The following MED13 variants were observed in gnomAD, a reference collection of about 807,000 sequenced individuals.
The protein encoded by MED13 is mediator complex subunit 13, also known as mediator of RNA polymerase II transcription subunit 13.
In MED13, 23 loss-of-function variants were observed where a neutral mutation model predicts 225.2. The observed-to-expected ratio is 0.10, with a 90% CI of 0.07 to 0.14. The LOEUF (loss-of-function observed/expected upper bound fraction) is 0.14. Ranked by LOEUF, MED13 falls within the 10% of genes least tolerant of loss-of-function variation. The probability of loss-of-function intolerance (pLI) is 1.00; values close to 1 mark genes in which losing one functional copy is unlikely to be tolerated. For synonymous variants in MED13, 942 were observed against 889.2 expected (o/e 1.06, Z -1.06); for missense variants, 2,197 against 2,594.5 (o/e 0.85, Z 3.33).
chr17:62,052,420 C>T (rs1568004302), intron 3 of MED13, 117 bp downstream of exon 3: 1 of 678,626 alleles, frequency 1.5e-6, no homozygotes, highest in Middle Eastern at 4.5e-4. Flanking sequence ...AGTACTCTGT[C>T]ACTGACAACC....
rs73334655 is a variant in MED13 at position 61,953,795 on chromosome 17, A to G, written c.5969-682T>C. 6.4e-3 allele frequency among the ~76,000 whole-genome samples: 976 copies of G among 152,366 alleles called. 10 individuals carry two copies. The highest frequency in any genetic ancestry group is 0.022 in the African/African-American group (922 of 41,592). On this transcript the variant is annotated intron_variant, in intron 26 of 29. Coordinates refer to ENST00000397786, the MANE Select transcript of MED13 (RefSeq NM_005121.3). Reference sequence around the variant, plus strand: ...AATACAAAGCAAACATAGTACAAACAAAATGAAAATGTGTTTAAAGTGGGA... The same window carrying G: ...AATACAAAGCAAACATAGTACAAACGAAATGAAAATGTGTTTAAAGTGGGA...
chr17:62,023,649 C>A (rs541340444), intron 8 of MED13, among the ~76,000 whole-genome samples: 16 of 152,192 alleles, frequency 1.1e-4, no homozygotes, highest in Non-Finnish European at 2.4e-4. Flanking sequence ...AAATTTAATT[C>A]CCTGCAATAC....
Position 62,063,227 on chromosome 17 carries a change from C to G in MED13, c.141G>C (p.Val47=). The G allele has an allele frequency of 6.2e-7, 1 of 1,614,166 alleles. No individual in the cohort carries two copies. The highest frequency in any genetic ancestry group is 8.5e-7 in the Non-Finnish European group (1 of 1,180,012). Residue 47 remains valine, a synonymous_variant, in exon 2 of 30, where the codon GTG becomes GTC. Coordinates refer to ENST00000397786, the MANE Select transcript of MED13 (RefSeq NM_005121.3). ...TGCTCAAAATGGGGTCTTCTTCTGT[C>G]ACAGGAAACAGAATAGGGGCAGAAG... ...GPTSAPILFP[V]TEEDPILSSF...
intron 9 of MED13, among the ~76,000 whole-genome samples, chr17:62,009,987 C>T (rs2080490414): frequency 6.6e-6 from 1 of 152,020 alleles, no homozygotes; most frequent in East Asian, 1.9e-4. Flanking sequence ...TTCAGGAGGC[C>T]GAGGTGGGTG....
chr17:61,964,914 C>T (rs1255156155), intron 20 of MED13, 92 bp downstream of exon 20: 3 of 1,254,612 alleles, frequency 2.4e-6, no homozygotes, highest in South Asian at 1.5e-5. Flanking sequence ...ACAGCCTGCG[C>T]AAAAGAGTGA....
intron 3 of MED13, among the ~76,000 whole-genome samples, chr17:62,042,885 C>T (rs1323859112): frequency 6.6e-6 from 1 of 151,790 alleles, no homozygotes; most frequent in Non-Finnish European, 1.5e-5. Flanking sequence ...CATGGTGGCT[C>T]ACACCTGTAA....
chr17:61,981,906 G>T (rs1199174204), intron 16 of MED13, among the ~76,000 whole-genome samples: 1 of 152,202 alleles, frequency 6.6e-6, no homozygotes, highest in Non-Finnish European at 1.5e-5. Context: ...ATGAGTGAAA[G>T]AATGTTGAAT....
At position 61,987,058 on chromosome 17, in the gene MED13, G is replaced by C. The variant is rs371662998; in HGVS notation, c.2334C>G (p.Val778=). ...AGAGATTATCAAGGTCAGTATAAGA[G>C]ACAGCCAGGTCTGAGTCATAAATCA... ...TSLIYDSDLA[V]SYTDLDNLFN... is the part of the protein sequence containing the mutation. Residue 778 remains valine, a synonymous_variant, in exon 12 of 30, where the codon GTC becomes GTG. Coordinates refer to ENST00000397786, the MANE Select transcript of MED13 (RefSeq NM_005121.3). 2 of 1,607,394 alleles carry C rather than the reference G, an allele frequency of 1.2e-6. No homozygotes were observed. Among genetic ancestry groups the C allele is most frequent in the Non-Finnish European group, 1.7e-6 (2 of 1,175,954 alleles).
chr17:61,990,695 A>G (rs1021783445), intron 11 of MED13, among the ~76,000 whole-genome samples: 2 of 151,304 alleles, frequency 1.3e-5, no homozygotes, highest in African/African-American at 4.9e-5. Flanking sequence ...ATAAATATAT[A>G]TAATTTTTAC....
chr17:61,983,951 C>T (rs1389840604), intron 15 of MED13, among the ~76,000 whole-genome samples: 3 of 152,118 alleles, frequency 2.0e-5, no homozygotes, highest in Admixed American at 2.0e-4. Context: ...TGATCTCAAA[C>T]TCCTGACCTC....
chr17:61,966,539 A>T lies in MED13; in HGVS notation c.4304T>A (p.Phe1435Tyr). 1 of 1,613,974 alleles carries T rather than the reference A, an allele frequency of 6.2e-7. No individual in the cohort carries two copies. Among genetic ancestry groups the T allele is most frequent in the Non-Finnish European group, 8.5e-7 (1 of 1,179,904 alleles). The change falls in exon 19 of 30, where the codon TTT becomes TAT. Residue 1435 changes from phenylalanine to tyrosine, a missense_variant. Phe to Tyr is a conservative substitution (Grantham distance 22). Around this residue, in one of 12 missense-constraint regions of MED13, gnomAD observed 457 missense variants for 442.2 expected, o/e 1.03. Transcript: ENST00000397786. ...ATTGTTACCGTCAGCTGCCTGAGAA[A>T]ACCATTCTGCTACCAACTTTTCTGA... ...KLSEKLVAEW[F>Y]SQAADGNNEA...
At chr17:62,031,391 C>T in intron 6 of MED13, 53 bp downstream of exon 6, 1 of 1,368,518 alleles carries the variant, frequency 7.3e-7, no homozygotes, top group Non-Finnish European at 9.9e-7. Context: ...TAAGTACTTA[C>T]TGTACACAAA....
chr17:62,031,124 A>G (rs2143676739), intron 6 of MED13: 1 of 178,784 alleles, frequency 5.6e-6, no homozygotes, highest in East Asian at 1.4e-4. Flanking sequence ...TTTCTGACTA[A>G]GAGGATCGAG....
intron 19 of MED13, among the ~76,000 whole-genome samples, chr17:61,966,207 C>G (rs1191730455): frequency 6.6e-6 from 1 of 152,162 alleles, no homozygotes; most frequent in East Asian, 1.9e-4. Flanking sequence ...TAATTTCTTC[C>G]TACCTGATGG....
chr17:61,987,991 C>A (rs894203505), intron 11 of MED13, among the ~76,000 whole-genome samples: 3 of 152,042 alleles, frequency 2.0e-5, no homozygotes, highest in East Asian at 3.9e-4. Flanking sequence ...AATCTGCCCA[C>A]CTCTGTTTCT....
chr17:62,065,037 C>T, intron 1 of MED13, 103 bp downstream of exon 1: 1 of 1,081,498 alleles, frequency 9.2e-7, no homozygotes, highest in Non-Finnish European at 1.3e-6. Context: ...TGGGCCTCGC[C>T]CGGGAACTCG....
At chr17:61,961,904 T>G (rs1383306749) in intron 21 of MED13, 125 bp from the exon 22 acceptor site, 5 of 916,316 alleles carry the variant, frequency 5.5e-6, no homozygotes, top group Non-Finnish European at 6.6e-6. Flanking sequence ...AAATGAAAAT[T>G]TAACGATTGT....
At chr17:61,976,567 G>T (rs2080158113) in intron 16 of MED13, among the ~76,000 whole-genome samples, 1 of 152,128 alleles carries the variant, frequency 6.6e-6, no homozygotes, top group African/African-American at 2.4e-5. Context: ...TTTTTGTTCA[G>T]CAAGTATGTA....
intron 3 of MED13, among the ~76,000 whole-genome samples, chr17:62,037,993 C>A (rs975823988): frequency 7.3e-6 from 1 of 137,592 alleles, no homozygotes; most frequent in Non-Finnish European, 1.6e-5. Context: ...AAAGACACAG[C>A]GGCTAGGAGA....
Sources: gnomAD v4.1 joint callset for allele counts (sites outside exome capture counted in the v4.1 genomes callset) on GRCh38, gnomAD v4.1.1 for gene constraint, gnomAD v4.1.1 regional missense constraint, MANE v1.5 for transcripts, NCBI Gene and HGNC (gene_info 2026-07-23, HGNC 2026-07-21) for gene names.